FAM110B: variants seen among roughly 807,000 people sequenced by gnomAD.
FAM110B encodes the protein protein FAM110B.
Under a neutral mutation model 20.4 loss-of-function variants are expected in FAM110B, and 6 were observed. The observed-to-expected ratio is 0.29, with a 90% CI of 0.16 to 0.58. The LOEUF is 0.58. Among genes scored for constraint, FAM110B ranks in the 20% least tolerant of loss-of-function variants. FAM110B has a pLI of 0.90. For missense variants in FAM110B, 434 were observed against 498.2 expected (o/e 0.87, Z 1.23); for synonymous variants, 226 against 214.1 (o/e 1.06, Z -0.49).
chr8:58,126,859 T>C (rs1435566202), intron 3 of FAM110B, among the ~76,000 whole-genome samples: 1 of 152,174 alleles, frequency 6.6e-6, no homozygotes, highest in Non-Finnish European at 1.5e-5. Context: ...TATCTTTTCA[T>C]CCTTTTAACA....
intron 2 of FAM110B, among the ~76,000 whole-genome samples, chr8:58,053,774 T>A (rs1805501366): frequency 6.6e-6 from 1 of 152,258 alleles, no homozygotes; most frequent in Admixed American, 6.5e-5. Flanking sequence ...AATGTTTTTC[T>A]ATTCCCTTCT....
At chr8:58,056,857 G>A (rs1183557345) in intron 2 of FAM110B, among the ~76,000 whole-genome samples, 2 of 152,158 alleles carry the variant, frequency 1.3e-5, no homozygotes, top group Admixed American at 1.3e-4. Flanking sequence ...ACAGCAGGAT[G>A]TAGTCACAGG....
At chr8:58,092,573 A>T (rs1370925473) in intron 3 of FAM110B, among the ~76,000 whole-genome samples, 1 of 152,118 alleles carries the variant, frequency 6.6e-6, no homozygotes, top group Non-Finnish European at 1.5e-5. Context: ...AAGGACATGA[A>T]CTCATCCTTT....
intron 2 of FAM110B, among the ~76,000 whole-genome samples, chr8:58,057,647 G>A (rs568045682): frequency 1.2e-4 from 18 of 152,062 alleles, no homozygotes; most frequent in Non-Finnish European, 2.4e-4. Context: ...GTGGCTTCAT[G>A]GTTCAAAGGC....
chr8:58,009,030 A>G (rs1321631026), intron 1 of FAM110B, among the ~76,000 whole-genome samples: 1 of 152,162 alleles, frequency 6.6e-6, no homozygotes, highest in Admixed American at 6.5e-5. Context: ...AATAAAGACA[A>G]GAGAAGAAAC....
At chr8:58,089,970 C>G (rs942253762) in intron 3 of FAM110B, among the ~76,000 whole-genome samples, 1 of 152,126 alleles carries the variant, frequency 6.6e-6, no homozygotes, top group Non-Finnish European at 1.5e-5. Context: ...CCTTGAATAA[C>G]ACAGGTTTGA....
At chr8:58,085,106 C>T (rs557827639) in intron 3 of FAM110B, among the ~76,000 whole-genome samples, 2 of 152,334 alleles carry the variant, frequency 1.3e-5, no homozygotes, top group African/African-American at 4.8e-5. Flanking sequence ...TTCATTTACT[C>T]TCCTAGTTGT....
At chr8:58,106,670 A>G (rs1806927297) in intron 3 of FAM110B, among the ~76,000 whole-genome samples, 1 of 152,212 alleles carries the variant, frequency 6.6e-6, no homozygotes, top group South Asian at 2.1e-4. Context: ...AAAGCTTTAC[A>G]TTAAAGGAGT....
chr8:58,035,791 T>C (rs920027076), intron 2 of FAM110B, among the ~76,000 whole-genome samples: 2 of 152,220 alleles, frequency 1.3e-5, no homozygotes, highest in African/African-American at 2.4e-5. Flanking sequence ...AGTGCAGTGA[T>C]AGTGATACTT....
intron 2 of FAM110B, among the ~76,000 whole-genome samples, chr8:58,048,087 G>T (rs1156850568): frequency 2.0e-5 from 3 of 152,076 alleles, no homozygotes; most frequent in Admixed American, 6.6e-5. Context: ...AAGCTCTAGG[G>T]TGCTTAAGCG....
intron 3 of FAM110B, among the ~76,000 whole-genome samples, chr8:58,107,356 T>C (rs1446766499): frequency 2.0e-5 from 3 of 152,212 alleles, no homozygotes; most frequent in African/African-American, 7.2e-5. Flanking sequence ...GTTGTTGTCC[T>C]TTTCATTTTA....
intron 3 of FAM110B, among the ~76,000 whole-genome samples, chr8:58,087,559 C>T (rs1200262928): frequency 6.6e-6 from 1 of 152,160 alleles, no homozygotes; most frequent in East Asian, 1.9e-4. Flanking sequence ...CTGCCTCATT[C>T]GCCATCACAA....
chr8:58,100,270 A>ATGG (rs1806745645), intron 3 of FAM110B, among the ~76,000 whole-genome samples: 2 of 150,926 alleles, frequency 1.3e-5, no homozygotes. Flanking sequence ...AAAAAAAGTC[A>ATGG]TGGACTCAGT....
chr8:58,147,073 T>G lies in FAM110B; in HGVS notation c.843T>G (p.Cys281Trp). 6.2e-7 allele frequency: 1 copy of G among 1,614,180 alleles called. No individual in the cohort carries two copies. The highest frequency in any genetic ancestry group is 8.5e-7 in the Non-Finnish European group (1 of 1,180,036). The change falls in exon 4 of 4, where the codon TGT becomes TGG. Residue 281 changes from cysteine to tryptophan, a missense_variant. Transcript: ENST00000519262. ...ACGTGGAGAGGTTCTTCAACTACTGTGGACTGGACCCGGAAGAGCTGGAAA... is the reference window on the plus strand; with the variant it reads ...ACGTGGAGAGGTTCTTCAACTACTGGGGACTGGACCCGGAAGAGCTGGAAA... The part of the protein sequence containing the change: ...DADVERFFNY[C>W]GLDPEELENL...
At chr8:58,006,923 A>ATATATTTTTTTT in intron 1 of FAM110B, among the ~76,000 whole-genome samples, 27 of 126,524 alleles carry the variant, frequency 2.1e-4, no homozygotes, top group African/African-American at 5.8e-4. Flanking sequence ...ATATATATAT[A>ATATATTTTTTTT]TTTTTCCAAA....
chr8:58,145,643 G>C (rs1278515545), intron 3 of FAM110B, among the ~76,000 whole-genome samples: 1 of 152,242 alleles, frequency 6.6e-6, no homozygotes, highest in East Asian at 1.9e-4. Context: ...CACCAATCCG[G>C]AGGCAGCTGG....
chr8:58,061,745 C>A (rs555945449), intron 2 of FAM110B, among the ~76,000 whole-genome samples: 173 of 152,314 alleles, frequency 1.1e-3, no homozygotes, highest in African/African-American at 3.8e-3. Flanking sequence ...TTCCCATGTG[C>A]TCCTTCTCCC....
At chr8:58,037,151 A>G (rs1010307587) in intron 2 of FAM110B, among the ~76,000 whole-genome samples, 1 of 152,086 alleles carries the variant, frequency 6.6e-6, no homozygotes, top group Admixed American at 6.6e-5. Flanking sequence ...TACATAGTCT[A>G]TAAGCTGATC....
chr8:58,097,732 A>T (rs1301870208), intron 3 of FAM110B, among the ~76,000 whole-genome samples: 1 of 152,054 alleles, frequency 6.6e-6, no homozygotes, highest in Non-Finnish European at 1.5e-5. Context: ...GGGTTTTGGT[A>T]TGGATGTCCT....
Sources: gnomAD v4.1 joint callset for allele counts (sites outside exome capture counted in the v4.1 genomes callset) on GRCh38, gnomAD v4.1.1 for gene constraint, MANE v1.5 for transcripts, NCBI Gene and HGNC (gene_info 2026-07-23, HGNC 2026-07-21) for gene names.